Variants in EPHA3 observed in about 807,000 individuals in gnomAD.
EPHA3 encodes EPH receptor A3.
EPHA3 carries 42 observed loss-of-function variants against 107.1 expected under a neutral mutation model. The ratio of observed to expected loss-of-function variants is 0.39; its 90% CI spans 0.31 to 0.51. The LOEUF (loss-of-function observed/expected upper bound fraction) is 0.51. EPHA3 is among the 20% of genes least tolerant of loss of function. The pLI, the probability that EPHA3 is intolerant of heterozygous loss-of-function variation, is 0.78. For missense variants in EPHA3, 1,183 were observed against 1,211.2 expected, an observed-to-expected ratio of 0.98 and a Z score of 0.35; for synonymous variants, 461 against 424.8, an observed-to-expected ratio of 1.09 and a Z score of -1.05.
intron 2 of EPHA3, among the ~76,000 whole-genome samples, chr3:89,195,379 A>T (rs1199089862): frequency 6.6e-6 from 1 of 152,106 alleles, no homozygotes; most frequent in Non-Finnish European, 1.5e-5. Context: ...ATTTAGGGGA[A>T]GTTATTGAAC....
At chr3:89,296,824 A>G (rs939563683) in intron 3 of EPHA3, among the ~76,000 whole-genome samples, 1 of 152,198 alleles carries the variant, frequency 6.6e-6, no homozygotes, top group Non-Finnish European at 1.5e-5. Context: ...TGTTACGTGT[A>G]GCCATCTTTA....
At chr3:89,412,187 G>T (rs960520080) in intron 9 of EPHA3, among the ~76,000 whole-genome samples, 1 of 151,514 alleles carries the variant, frequency 6.6e-6, no homozygotes. Flanking sequence ...ATTGAAAATT[G>T]CAAATTGTCT....
chr3:89,232,154 A>T (rs1408774411), intron 3 of EPHA3, among the ~76,000 whole-genome samples: 1 of 152,102 alleles, frequency 6.6e-6, no homozygotes, highest in African/African-American at 2.4e-5. Flanking sequence ...ATGGGACCAC[A>T]GTTTAGTAAG....
intron 13 of EPHA3, among the ~76,000 whole-genome samples, chr3:89,443,240 T>C (rs1218820489): frequency 6.6e-6 from 1 of 152,158 alleles, no homozygotes; most frequent in African/African-American, 2.4e-5. Flanking sequence ...ATGTGTATTG[T>C]TTATGGAGTC....
intron 2 of EPHA3, among the ~76,000 whole-genome samples, chr3:89,146,208 T>A (rs1704554946): frequency 6.6e-6 from 1 of 151,940 alleles, no homozygotes; most frequent in African/African-American, 2.4e-5. Context: ...CCTCCATGTA[T>A]ACACAGGACC....
chr3:89,460,400 G>T (rs112087049), intron 15 of EPHA3, among the ~76,000 whole-genome samples: 26,503 of 150,984 alleles, frequency 0.18, 1,404 homozygotes, highest in Non-Finnish European at 0.23. Flanking sequence ...TTAGAACAAG[G>T]TTCTGCAGAC....
intron 3 of EPHA3, among the ~76,000 whole-genome samples, chr3:89,319,219 A>G (rs1472757392): frequency 6.6e-6 from 1 of 151,846 alleles, no homozygotes; most frequent in Non-Finnish European, 1.5e-5. Context: ...AGAAAGATTG[A>G]GAGTAAGAGA....
At chr3:89,185,526 C>G (rs1360598126) in intron 2 of EPHA3, among the ~76,000 whole-genome samples, 1 of 152,030 alleles carries the variant, frequency 6.6e-6, no homozygotes, top group Admixed American at 6.6e-5. Flanking sequence ...CTTACTTGTT[C>G]AATTCCCTGG....
At chr3:89,187,216 C>A (rs1234276691) in intron 2 of EPHA3, among the ~76,000 whole-genome samples, 2 of 150,308 alleles carry the variant, frequency 1.3e-5, no homozygotes, top group Admixed American at 6.6e-5. Flanking sequence ...TTTTGAAAAG[C>A]AAACATATTT....
intron 5 of EPHA3, among the ~76,000 whole-genome samples, chr3:89,387,364 C>T (rs1425570415): frequency 6.6e-6 from 1 of 152,142 alleles, no homozygotes; most frequent in African/African-American, 2.4e-5. Flanking sequence ...AAGGGCTTCC[C>T]TGCCACTTCA....
chr3:89,111,508 T>TCCC (rs143096995), intron 1 of EPHA3, among the ~76,000 whole-genome samples: 6 of 128,936 alleles, frequency 4.7e-5, no homozygotes, highest in Admixed American at 8.6e-5. Context: ...CACCCCTACA[T>TCCC]CCCCCCCCCA....
chr3:89,411,078 A>AAAAC (rs1264099730), intron 9 of EPHA3, among the ~76,000 whole-genome samples: 3 of 151,908 alleles, frequency 2.0e-5, no homozygotes, highest in Non-Finnish European at 4.4e-5. Context: ...TTAACAATAA[A>AAAAC]AACGCTCATT....
rs1248339568 is a variant in EPHA3 at position 89,362,636 on chromosome 3, T to C, written c.1306+20546T>C. On this transcript the variant is annotated intron_variant, in intron 5 of 16. Coordinates refer to ENST00000336596, the MANE Select transcript of EPHA3 (RefSeq NM_005233.6). ...GTATAAGGAGTGTACTGGGTGGACG[T>C]TGGGAGATGGGGCAAGGGAGAAGGA... 1.1e-4 allele frequency among the ~76,000 whole-genome samples: 16 copies of C among 150,544 alleles called. 1 individual carries two copies. Among genetic ancestry groups the C allele is most frequent in the Admixed American group, 8.7e-4 (13 of 14,960 alleles).
At chr3:89,306,935 T>C (rs541220707) in intron 3 of EPHA3, among the ~76,000 whole-genome samples, 14 of 152,264 alleles carry the variant, frequency 9.2e-5, no homozygotes, top group African/African-American at 3.4e-4. Context: ...TGTCTCAGAA[T>C]TGAAAACACA....
chr3:89,107,767 A>ATCC lies in EPHA3; in HGVS notation c.27_29dup (p.Leu11dup). On this transcript the variant is annotated inframe_insertion, in exon 1 of 17. Coordinates refer to ENST00000336596, the MANE Select transcript of EPHA3 (RefSeq NM_005233.6). ...CAGCAACATGGATTGTCAGCTCTCCATCCTCCTCCTTCTCAGCTGCTCTGT... is the reference window on the plus strand; with the variant it reads ...CAGCAACATGGATTGTCAGCTCTCCATCCTCCTCCTCCTTCTCAGCTGCTCTGT... 6.2e-7 allele frequency: 1 copy of ATCC among 1,614,108 alleles called. No homozygotes were observed. The highest frequency in any genetic ancestry group is 8.5e-7 in the Non-Finnish European group (1 of 1,180,008).
intron 3 of EPHA3, among the ~76,000 whole-genome samples, chr3:89,239,514 C>A (rs1209186362): frequency 6.6e-6 from 1 of 152,078 alleles, no homozygotes; most frequent in Admixed American, 6.5e-5. Context: ...ACCAAAGCCA[C>A]TATTTGTGCA....
intron 3 of EPHA3, among the ~76,000 whole-genome samples, chr3:89,331,737 G>A (rs1317134880): frequency 6.6e-6 from 1 of 151,946 alleles, no homozygotes; most frequent in Non-Finnish European, 1.5e-5. Context: ...AATTATAAAG[G>A]TGGATATTTG....
At chr3:89,132,215 T>C (rs1383772081) in intron 2 of EPHA3, among the ~76,000 whole-genome samples, 2 of 152,140 alleles carry the variant, frequency 1.3e-5, no homozygotes, top group African/African-American at 4.8e-5. Context: ...CAGAGCCCAG[T>C]GAGCATAAGA....
chr3:89,408,103 A>G lies in EPHA3; in HGVS notation c.1734A>G (p.Glu578=). 6.2e-7 allele frequency: 1 copy of G among 1,613,000 alleles called. No homozygotes were observed. The highest frequency in any genetic ancestry group is 1.1e-5 in the South Asian group (1 of 91,048). Residue 578 remains glutamate, a synonymous_variant, in exon 9 of 17, where the codon GAA becomes GAG. Coordinates refer to ENST00000336596, the MANE Select transcript of EPHA3 (RefSeq NM_005233.6). Reference sequence around the variant, plus strand: ...ATAAGTCAAAACATGGGGCAGATGAAAAAAGACTTCATTTTGGCAATGGGC... The same window carrying G: ...ATAAGTCAAAACATGGGGCAGATGAGAAAAGACTTCATTTTGGCAATGGGC... The part of the protein sequence containing the change: ...CGYKSKHGAD[E]KRLHFGNGHL...
Sources: gnomAD v4.1 joint callset for allele counts (sites outside exome capture counted in the v4.1 genomes callset) on GRCh38, gnomAD v4.1.1 for gene constraint, MANE v1.5 for transcripts, NCBI Gene and HGNC (gene_info 2026-07-23, HGNC 2026-07-21) for gene names.